The following DSCAM variants were observed in gnomAD, a reference collection of about 807,000 sequenced individuals.
DSCAM encodes DS cell adhesion molecule.
In DSCAM, 47 loss-of-function variants were observed where a neutral mutation model predicts 217.7. The ratio of observed to expected loss-of-function variants is 0.22; its 90% CI spans 0.17 to 0.28. The LOEUF is 0.28. DSCAM is among the 10% of genes least tolerant of loss of function. The probability of loss-of-function intolerance (pLI) is 1.00; values close to 1 mark genes in which losing one functional copy is unlikely to be tolerated. For synonymous variants in DSCAM, 1,056 were observed against 1,015.3 expected (o/e 1.04, Z -0.76); for missense variants, 2,080 against 2,618.3 (o/e 0.79, Z 4.49).
intron 3 of DSCAM, among the ~76,000 whole-genome samples, chr21:40,635,138 AAGAAGGGACACAG>A (rs1436800394): frequency 2.0e-5 from 3 of 152,200 alleles, no homozygotes; most frequent in African/African-American, 7.2e-5. Context: ...CCATTCAAGG[AAGAAGGGACACAG>A]AGAGGGGACA....
intron 3 of DSCAM, among the ~76,000 whole-genome samples, chr21:40,418,145 CAGG>C (rs2075389745): frequency 6.6e-6 from 1 of 152,038 alleles, no homozygotes; most frequent in South Asian, 2.1e-4. Context: ...TTGTGTTCGG[CAGG>C]AGATTTCAAT....
chr21:40,667,102 C>T (rs1295912569), intron 3 of DSCAM, among the ~76,000 whole-genome samples: 2 of 152,244 alleles, frequency 1.3e-5, no homozygotes, highest in African/African-American at 4.8e-5. Flanking sequence ...ACTCCCTCCT[C>T]TCTCCTTTGT....
At chr21:40,039,958 A>G (rs1171412920) in intron 32 of DSCAM, among the ~76,000 whole-genome samples, 1 of 152,252 alleles carries the variant, frequency 6.6e-6, no homozygotes, top group Non-Finnish European at 1.5e-5. Context: ...GAGGGCATAT[A>G]GGGAAAGAAT....
At chr21:40,728,407 C>T (rs1175640461) in intron 1 of DSCAM, among the ~76,000 whole-genome samples, 2 of 151,524 alleles carry the variant, frequency 1.3e-5, no homozygotes, top group East Asian at 3.9e-4. Flanking sequence ...TAAACATTCA[C>T]TATAAATGAT....
chr21:40,243,589 G>A lies in DSCAM; in HGVS notation c.2356+32508C>T, dbSNP rs367706242. The stretch of plus-strand genomic sequence containing the variant: ...AAGCATCGGTTTTTTCTGAGTGTGG[G>A]GCCCTGTGTGACTGCACCGTTTGCT... On this transcript the variant is annotated intron_variant, in intron 11 of 32. Coordinates refer to ENST00000400454, the MANE Select transcript of DSCAM (RefSeq NM_001389.5). 7.2e-5 allele frequency among the ~76,000 whole-genome samples: 11 copies of A among 152,216 alleles called. No individual in the cohort carries two copies. The East Asian group carries it at 1.9e-3, about 27-fold the overall frequency.
chr21:40,551,800 G>C (rs557281153), intron 3 of DSCAM, among the ~76,000 whole-genome samples: 131 of 152,240 alleles, frequency 8.6e-4, no homozygotes, highest in African/African-American at 3.1e-3. Flanking sequence ...TAATGTTAAT[G>C]CTGCTCAGTC....
chr21:40,770,794 T>C (rs1241159872), intron 1 of DSCAM, among the ~76,000 whole-genome samples: 1 of 152,204 alleles, frequency 6.6e-6, no homozygotes, highest in African/African-American at 2.4e-5. Context: ...ATGTGGCTGG[T>C]AAGAAGAACA....
intron 3 of DSCAM, among the ~76,000 whole-genome samples, chr21:40,402,152 T>C (rs1275148361): frequency 3.0e-5 from 4 of 135,212 alleles, no homozygotes; most frequent in Non-Finnish European, 4.6e-5. Context: ...CTCCGCCTCC[T>C]GGGTTCACGT....
intron 3 of DSCAM, among the ~76,000 whole-genome samples, chr21:40,478,803 C>T (rs1357682786): frequency 1.3e-5 from 2 of 152,138 alleles, no homozygotes; most frequent in East Asian, 3.8e-4. Context: ...GTACTGAATC[C>T]TTTATATGCT....
rs555621605 is a variant in DSCAM at position 40,412,051 on chromosome 21, C to T, written c.509-42806G>A. On this transcript the variant is annotated intron_variant, in intron 3 of 32. Coordinates refer to ENST00000400454, the MANE Select transcript of DSCAM (RefSeq NM_001389.5). ...ATAAGGGGAAACCCGTTTCATTTGG[C>T]ATTCATTCTCTCTTTGCCTGCTGCC... is the stretch of plus-strand genomic sequence containing the variant. Among the ~76,000 whole-genome samples the T allele has an allele frequency of 6.6e-4, 101 of 152,296 alleles. No homozygotes were observed. The South Asian group carries it at 0.02, about 30-fold the overall frequency.
chr21:40,234,390 T>C (rs978724895), intron 11 of DSCAM, among the ~76,000 whole-genome samples: 5 of 152,212 alleles, frequency 3.3e-5, no homozygotes, highest in Admixed American at 3.3e-4. Flanking sequence ...CTTCAGAGGC[T>C]GATGCAAGGA....
chr21:40,192,786 C>A (rs1485218587), intron 11 of DSCAM, among the ~76,000 whole-genome samples: 1 of 152,124 alleles, frequency 6.6e-6, no homozygotes, highest in Admixed American at 6.5e-5. Context: ...TATTGCAGCA[C>A]ACGGATATAC....
At chr21:40,562,083 C>T (rs1226346940) in intron 3 of DSCAM, among the ~76,000 whole-genome samples, 1 of 152,172 alleles carries the variant, frequency 6.6e-6, no homozygotes, top group African/African-American at 2.4e-5. Flanking sequence ...AAATGTTTTG[C>T]TTTTCTGTGT....
Position 40,506,739 on chromosome 21 carries a change from C to G in DSCAM, c.509-137494G>C, listed in dbSNP as rs989980899. On this transcript the variant is annotated intron_variant, in intron 3 of 32. Transcript: ENST00000400454. ...ATCACTAGGTATATCCAGGAAGAAG[C>G]GTTTTTAAAACTGTTACATTGGAAA... 9.9e-5 allele frequency among the ~76,000 whole-genome samples: 15 copies of G among 152,062 alleles called. No individual in the cohort carries two copies. The South Asian group carries it at 3.1e-3, about 32-fold the overall frequency.
At chr21:40,561,398 A>G (rs2076719633) in intron 3 of DSCAM, among the ~76,000 whole-genome samples, 1 of 152,214 alleles carries the variant, frequency 6.6e-6, no homozygotes, top group Non-Finnish European at 1.5e-5. Context: ...ACGTCGTTCC[A>G]TTATTTTCTC....
chr21:40,433,767 TGTCACCTGAGTTGGATGAG>T (rs541200430), intron 3 of DSCAM, among the ~76,000 whole-genome samples: 55 of 152,182 alleles, frequency 3.6e-4, no homozygotes, highest in Middle Eastern at 6.8e-3. Context: ...AGGTAGATGA[TGTCACCTGAGTTGGATGAG>T]GTCACCTGAG....
chr21:40,823,203 T>TTG (rs3988411), intron 1 of DSCAM, among the ~76,000 whole-genome samples: 1,653 of 144,458 alleles, frequency 0.011, 22 homozygotes, highest in African/African-American at 0.036. Flanking sequence ...CATACATACA[T>TTG]TGTGTGTGTG....
At chr21:40,073,945 G>A (rs2089329793) in intron 27 of DSCAM, among the ~76,000 whole-genome samples, 1 of 152,200 alleles carries the variant, frequency 6.6e-6, no homozygotes, top group Non-Finnish European at 1.5e-5. Flanking sequence ...TACAGATGAA[G>A]TACAATGTAC....
chr21:40,224,932 T>G (rs1482114415), intron 11 of DSCAM, among the ~76,000 whole-genome samples: 1 of 152,226 alleles, frequency 6.6e-6, no homozygotes, highest in Non-Finnish European at 1.5e-5. Flanking sequence ...CAATCCCACA[T>G]GTAGTTGGCT....
Sources: allele counts gnomAD v4.1 joint callset (sites outside exome capture counted in the v4.1 genomes callset), GRCh38; gene constraint gnomAD v4.1.1; transcripts MANE v1.5; gene names NCBI Gene and HGNC (gene_info 2026-07-23, HGNC 2026-07-21).